The following RP1 variants were observed in gnomAD, a reference collection of about 807,000 sequenced individuals.
RP1 encodes oxygen-regulated protein 1.
In RP1, 16 loss-of-function variants were observed where a neutral mutation model predicts 14.8. The ratio of observed to expected loss-of-function variants is 1.08; its 90% CI spans 0.73 to 1.65. RP1 has a LOEUF of 1.65. Among genes scored for constraint, RP1 ranks in the 40% most tolerant of loss-of-function variants. The probability of loss-of-function intolerance (pLI) is 0.00; values close to 1 mark genes in which losing one functional copy is unlikely to be tolerated. For missense variants in RP1, 2,631 were observed against 2,535.0 expected (o/e 1.04, Z -0.81); for synonymous variants, 876 against 883.6 (o/e 0.99, Z 0.15).
At chr8:54,744,548 C>CT (rs1271430967) in intron 19 of RP1, among the ~76,000 whole-genome samples, 1 of 152,162 alleles carries the variant, frequency 6.6e-6, no homozygotes, top group African/African-American at 2.4e-5. Flanking sequence ...GCCGTTTGAC[C>CT]TTGTTTAGGT....
At chr8:54,598,912 T>A (rs4737622) in intron 1 of RP1, among the ~76,000 whole-genome samples, 39,708 of 152,144 alleles carry the variant, frequency 0.26, 5,570 homozygotes, top group East Asian at 0.49. Flanking sequence ...TCGCTGTCTT[T>A]AGTTTTCTGA....
At chr8:54,828,882 C>CTTTT (rs201534661) in intron 24 of RP1, among the ~76,000 whole-genome samples, 1,328 of 83,974 alleles carry the variant, frequency 0.016, 65 homozygotes, top group Middle Eastern at 0.022. Flanking sequence ...TCTTCTTCTT[C>CTTTT]TTTTTTTTTT....
chr8:54,654,376 G>A (rs1321677583), intron 5 of RP1, among the ~76,000 whole-genome samples: 4 of 152,046 alleles, frequency 2.6e-5, no homozygotes, highest in African/African-American at 7.2e-5. Flanking sequence ...TTCAAGTTTA[G>A]TTAGGGAAGA....
At chr8:54,758,956 G>A in exon 22 of RP1, 1 of 1,535,816 alleles carries the variant, frequency 6.5e-7, no homozygotes, top group Non-Finnish European at 8.7e-7. Flanking sequence ...GTGTCGCTTG[G>A]AAAACTGCAG....
intron 6 of RP1, among the ~76,000 whole-genome samples, chr8:54,658,663 A>G (rs1388349060): frequency 6.6e-6 from 1 of 151,816 alleles, no homozygotes; most frequent in Non-Finnish European, 1.5e-5. Flanking sequence ...CCTTCTACCT[A>G]TTGTGAATCA....
intron 3 of RP1, among the ~76,000 whole-genome samples, chr8:54,637,980 C>G (rs1806382930): frequency 6.6e-6 from 1 of 152,146 alleles, no homozygotes; most frequent in Non-Finnish European, 1.5e-5. Context: ...CAGCTCCCTC[C>G]TCATCCGACG....
chr8:54,809,863 AG>A (rs1810946558), intron 24 of RP1, among the ~76,000 whole-genome samples: 1 of 152,236 alleles, frequency 6.6e-6, no homozygotes, highest in Non-Finnish European at 1.5e-5. Flanking sequence ...TCTGAATTGC[AG>A]TGTGAACGAG....
intron 1 of RP1, among the ~76,000 whole-genome samples, chr8:54,580,291 C>T (rs1354845784): frequency 3.4e-5 from 5 of 145,042 alleles, no homozygotes; most frequent in African/African-American, 1.0e-4. Context: ...CTAAATGTAT[C>T]GTAGACTTCT....
intron 21 of RP1, chr8:54,755,904 C>T (rs1809495358): frequency 3.6e-6 from 3 of 830,718 alleles, no homozygotes; most frequent in Admixed American, 3.6e-5. Context: ...TTTTCCTGAC[C>T]TGACTTCCTA....
chr8:54,563,918 T>C (rs1018405761), intron 1 of RP1, among the ~76,000 whole-genome samples: 24 of 152,190 alleles, frequency 1.6e-4, no homozygotes, highest in Non-Finnish European at 3.4e-4. Context: ...GTCTAGCAAA[T>C]GGAAATAGCA....
chr8:54,828,895 T>C (rs1254701076), intron 24 of RP1, among the ~76,000 whole-genome samples: 31 of 127,472 alleles, frequency 2.4e-4, no homozygotes, highest in Non-Finnish European at 1.3e-4. Flanking sequence ...TTTTTTTTTT[T>C]TTTTTTTTTT....
chr8:54,678,231 C>A (rs1378381610), intron 8 of RP1, among the ~76,000 whole-genome samples: 1 of 152,116 alleles, frequency 6.6e-6, no homozygotes, highest in Non-Finnish European at 1.5e-5. Flanking sequence ...CTGAAATAGA[C>A]ACAATAAGGC....
Position 54,726,403 on chromosome 8 carries a change from C to G in RP1, c.2448C>G (p.Ile816Met), listed in dbSNP as rs1021447393. ...CACCCAGCCAAGAAGAAGAAAAGAT[C>G]CATGAGTCAAAAAAACAGAAAAAAA... The change falls in exon 17 of 23, where the codon ATC becomes ATG. Residue 816 changes from isoleucine to methionine, a missense_variant. By Grantham distance (10) the Ile-to-Met change is conservative. Transcript: ENST00000636932. 4 of 1,534,140 alleles carry G rather than the reference C, an allele frequency of 2.6e-6. No homozygotes were observed. In the African/African-American group the frequency reaches 4.1e-5, roughly 16 times the overall value.
chr8:54,754,158 G>C (rs994905772), intron 19 of RP1, among the ~76,000 whole-genome samples: 1 of 152,112 alleles, frequency 6.6e-6, no homozygotes, highest in Non-Finnish European at 1.5e-5. Context: ...TGGGGGGAAG[G>C]GCAGCTGCCT....
intron 24 of RP1, among the ~76,000 whole-genome samples, chr8:54,821,126 T>C (rs115487689): frequency 0.011 from 1,738 of 151,914 alleles, 42 homozygotes; most frequent in African/African-American, 0.04. Flanking sequence ...GATAGAAAAA[T>C]AGAAAAGAGA....
intron 12 of RP1, among the ~76,000 whole-genome samples, chr8:54,686,660 C>G (rs969350430): frequency 2.0e-5 from 3 of 152,054 alleles, no homozygotes; most frequent in Non-Finnish European, 4.4e-5. Flanking sequence ...AGTGTTGTCT[C>G]TATTGTGGGA....
downstream of RP1, among the ~76,000 whole-genome samples, chr8:54,635,098 A>G (rs1280793376): frequency 6.6e-6 from 1 of 151,514 alleles, no homozygotes; most frequent in African/African-American, 2.4e-5. Flanking sequence ...AAAAAAAAAG[A>G]TGTAATATAC....
chr8:54,564,942 G>A lies in RP1; in HGVS notation c.-13+5622G>A, dbSNP rs563366364. Among the ~76,000 whole-genome samples, 21 of 152,246 alleles carry A rather than the reference G, an allele frequency of 1.4e-4. 1 individual carries two copies. The East Asian group carries it at 3.9e-3, about 28-fold the overall frequency. ...TTTTTTATTTTTTATTTTTTGTAGA[G>A]ATGAGATCTTACTATGTAGCCTAGG... is the stretch of plus-strand genomic sequence containing the variant. On this transcript the variant is annotated intron_variant, in intron 1 of 22. Transcript: ENST00000636932.
intron 25 of RP1, among the ~76,000 whole-genome samples, chr8:54,838,873 C>G (rs2129403702): frequency 6.6e-6 from 1 of 152,264 alleles, no homozygotes; most frequent in South Asian, 2.1e-4. Flanking sequence ...CTTAGCCTCC[C>G]TTAGCCAAGA....
Sources: gnomAD v4.1 joint callset for allele counts (sites outside exome capture counted in the v4.1 genomes callset) on GRCh38, gnomAD v4.1.1 for gene constraint, MANE v1.5 for transcripts, NCBI Gene and HGNC (gene_info 2026-07-23, HGNC 2026-07-21) for gene names.